COL25A1: variants seen among roughly 807,000 people sequenced by gnomAD.
The protein encoded by COL25A1 is collagen alpha-1(XXV) chain.
COL25A1 carries 103 observed loss-of-function variants against 128.4 expected under a neutral mutation model. The observed-to-expected ratio is 0.80, with a 90% confidence interval of 0.68 to 0.94. The LOEUF (loss-of-function observed/expected upper bound fraction) is 0.94, where lower values mean the gene tolerates loss of function less well. Among genes scored for constraint, COL25A1 ranks in the 40% least tolerant of loss-of-function variants. COL25A1 has a pLI of 0.00. For synonymous variants in COL25A1, 279 were observed against 277.2 expected, an observed-to-expected ratio of 1.01 and a Z score of -0.06; for missense variants, 745 against 840.0, an observed-to-expected ratio of 0.89 and a Z score of 1.40.
At chr4:109,221,320 G>A (rs976186466) in intron 3 of COL25A1, among the ~76,000 whole-genome samples, 3 of 152,052 alleles carry the variant, frequency 2.0e-5, no homozygotes, top group African/African-American at 2.4e-5. Flanking sequence ...CTTTAAATCA[G>A]AGTAGAATGA....
intron 3 of COL25A1, among the ~76,000 whole-genome samples, chr4:109,145,902 G>T (rs948259013): frequency 1.3e-5 from 2 of 151,992 alleles, no homozygotes; most frequent in African/African-American, 4.8e-5. Context: ...TTACCACTTG[G>T]ATATATCTCC....
At chr4:109,166,004 T>C (rs1477992756) in intron 3 of COL25A1, among the ~76,000 whole-genome samples, 1 of 152,178 alleles carries the variant, frequency 6.6e-6, no homozygotes, top group Non-Finnish European at 1.5e-5. Flanking sequence ...AATGACTTTT[T>C]TAGTTGAGAT....
At chr4:109,189,257 T>C (rs1170967124) in intron 3 of COL25A1, among the ~76,000 whole-genome samples, 1 of 152,092 alleles carries the variant, frequency 6.6e-6, no homozygotes, top group Non-Finnish European at 1.5e-5. Flanking sequence ...ATTTAAGATT[T>C]TTCTGGCTGG....
In COL25A1 at chr4:108,819,280, A is replaced by C. The variant is rs1302417191; in HGVS notation, c.1895T>G (p.Leu632Arg). Residue 632 changes from leucine to arginine, a missense_variant, in exon 36 of 38, where the codon CTG becomes CGG. By Grantham distance (102) the Leu-to-Arg change is moderately radical (BLOSUM62 -2). Transcript: ENST00000399132. ...GEKGEPGQPGLDGLDAPCQLG... is the reference protein window; with the variant it reads ...GEKGEPGQPGRDGLDAPCQLG... ...TTGGCAAGGGGCATCCAGCCCATCCAGGCCAGGCTGGCCTGGCTCCCCTTT... is the reference window on the plus strand; with the variant it reads ...TTGGCAAGGGGCATCCAGCCCATCCCGGCCAGGCTGGCCTGGCTCCCCTTT... The C allele has an allele frequency of 6.2e-7, 1 of 1,613,114 alleles. No individual in the cohort carries two copies. The highest frequency in any genetic ancestry group is 2.2e-5 in the East Asian group (1 of 44,862).
At chr4:109,124,690 C>T (rs1452994390) in intron 3 of COL25A1, among the ~76,000 whole-genome samples, 1 of 151,908 alleles carries the variant, frequency 6.6e-6, no homozygotes, top group East Asian at 1.9e-4. Flanking sequence ...AATGCTCCAT[C>T]TCTCACCTTA....
chr4:109,300,549 T>C, intron 3 of COL25A1, 34 bp downstream of exon 3: 1 of 1,453,608 alleles, frequency 6.9e-7, no homozygotes, highest in South Asian at 1.1e-5. Context: ...TGCTCTGCTC[T>C]GGAGGAAACC....
At chr4:108,911,871 C>A (rs910982765) in intron 13 of COL25A1, among the ~76,000 whole-genome samples, 2 of 149,364 alleles carry the variant, frequency 1.3e-5, no homozygotes, top group Admixed American at 1.3e-4. Context: ...ATTCTCTCAG[C>A]AATCCCAATC....
chr4:108,852,502 G>T (rs1180768845), intron 25 of COL25A1, among the ~76,000 whole-genome samples: 1 of 152,108 alleles, frequency 6.6e-6, no homozygotes. Flanking sequence ...AATGTGGAAG[G>T]TGCTTCTGGG....
At chr4:109,147,741 C>G (rs890898091) in intron 3 of COL25A1, among the ~76,000 whole-genome samples, 2 of 150,804 alleles carry the variant, frequency 1.3e-5, no homozygotes, top group Non-Finnish European at 2.9e-5. Context: ...CGCTTGAACC[C>G]AGGAGATGGA....
chr4:109,101,730 C>T (rs571124042), intron 3 of COL25A1, among the ~76,000 whole-genome samples: 1 of 152,284 alleles, frequency 6.6e-6, no homozygotes, highest in African/African-American at 2.4e-5. Flanking sequence ...ATGCTCTCCA[C>T]TCAGCATGGA....
At chr4:108,941,025 GTTTAC>G (rs1351313942) in intron 9 of COL25A1, among the ~76,000 whole-genome samples, 10 of 152,222 alleles carry the variant, frequency 6.6e-5, no homozygotes, top group Admixed American at 3.9e-4. Context: ...AGACAAATGT[GTTTAC>G]TTTAAATTAA....
intron 3 of COL25A1, among the ~76,000 whole-genome samples, chr4:109,054,061 A>G (rs1761230069): frequency 6.6e-6 from 1 of 152,218 alleles, no homozygotes; most frequent in Non-Finnish European, 1.5e-5. Context: ...GGAGGAGGTA[A>G]TTAATGAATA....
chr4:109,052,591 C>T (rs1470927203), intron 3 of COL25A1, among the ~76,000 whole-genome samples: 2 of 152,162 alleles, frequency 1.3e-5, no homozygotes, highest in Non-Finnish European at 2.9e-5. Flanking sequence ...GAGCATTATA[C>T]TGACCTTGCT....
rs1248373221 is a variant in COL25A1 at position 108,813,329 on chromosome 4, T to C, written c.*598A>G. On this transcript the variant is annotated 3_prime_UTR_variant, in exon 38 of 38. Transcript: ENST00000399132. ...GGCAATAAGCCATGGTGTAACCCCC[T>C]TGAGATGACAAAAGGAATAAAGGTT... 1 of 152,384 alleles carries C rather than the reference T, an allele frequency of 6.6e-6. No individual in the cohort carries two copies. The highest frequency in any genetic ancestry group is 1.5e-5 in the Non-Finnish European group (1 of 68,198). 9.4% of individuals were successfully genotyped at this position (152,384 alleles called of 1,614,324 possible). A position where few individuals can be genotyped will look rare whatever the true frequency, so the allele number is the denominator to read the frequency against.
intron 3 of COL25A1, among the ~76,000 whole-genome samples, chr4:109,205,775 T>G (rs1776932109): frequency 6.6e-6 from 1 of 152,184 alleles, no homozygotes; most frequent in Non-Finnish European, 1.5e-5. Context: ...CAGGGGCTCT[T>G]GACAACATAC....
chr4:109,270,564 G>A (rs1782125115), intron 3 of COL25A1, among the ~76,000 whole-genome samples: 1 of 152,144 alleles, frequency 6.6e-6, no homozygotes, highest in African/African-American at 2.4e-5. Flanking sequence ...CCTAGAGCCT[G>A]CTCCTGGAGA....
intron 3 of COL25A1, among the ~76,000 whole-genome samples, chr4:109,197,432 TATTATATATTA>T (rs1321700672): frequency 1.6e-5 from 2 of 124,446 alleles, no homozygotes; most frequent in African/African-American, 6.0e-5. Flanking sequence ...TATATATAAA[TATTATATATTA>T]TATATATTAT....
intron 3 of COL25A1, among the ~76,000 whole-genome samples, chr4:109,227,304 C>T (rs1778870772): frequency 6.6e-6 from 1 of 151,858 alleles, no homozygotes; most frequent in Admixed American, 6.6e-5. Flanking sequence ...AAATTATTTA[C>T]ACAATTTACA....
intron 3 of COL25A1, among the ~76,000 whole-genome samples, chr4:109,121,828 T>C (rs528146706): frequency 2.0e-5 from 3 of 152,212 alleles, no homozygotes; most frequent in African/African-American, 7.2e-5. Context: ...CACTCAAATG[T>C]TTAAAACAGC....
Sources: gnomAD v4.1 joint callset for allele counts (sites outside exome capture counted in the v4.1 genomes callset) on GRCh38, gnomAD v4.1.1 for gene constraint, MANE v1.5 for transcripts, NCBI Gene and HGNC (gene_info 2026-07-23, HGNC 2026-07-21) for gene names.